Variants in AK9 observed in about 807,000 individuals in gnomAD.
The protein encoded by AK9 is adenylate kinase domain containing 1.
In AK9, 191 loss-of-function variants were observed where a neutral mutation model predicts 239.6. The observed-to-expected ratio is 0.80, with a 90% CI of 0.71 to 0.90. The LOEUF is 0.90. AK9 is among the 40% of genes least tolerant of loss of function. The pLI is 0.00. For missense variants in AK9, 1,995 were observed against 2,214.7 expected (o/e 0.90, Z 1.99); for synonymous variants, 689 against 721.0 (o/e 0.96, Z 0.71).
chr6:109,526,611 G>C (rs994429665), intron 29 of AK9, among the ~76,000 whole-genome samples: 2 of 152,102 alleles, frequency 1.3e-5, no homozygotes, highest in Non-Finnish European at 2.9e-5. Flanking sequence ...GAAGAGGAAA[G>C]CATGAAGAAA....
intron 26 of AK9, among the ~76,000 whole-genome samples, chr6:109,542,790 G>C (rs1783063476): frequency 6.6e-6 from 1 of 151,866 alleles, no homozygotes; most frequent in South Asian, 2.1e-4. Flanking sequence ...AAGTAATTGC[G>C]GTTTTTGCTT....
intron 12 of AK9, among the ~76,000 whole-genome samples, chr6:109,622,652 T>C (rs1273720340): frequency 2.0e-5 from 3 of 147,414 alleles, no homozygotes; most frequent in African/African-American, 4.9e-5. Flanking sequence ...TAATGTGTAT[T>C]ATAGACATAA....
intron 9 of AK9, 168 bp downstream of exon 9, chr6:109,644,446 G>T: frequency 2.0e-6 from 1 of 490,888 alleles, no homozygotes; most frequent in Non-Finnish European, 3.3e-6. Context: ...TTTTAAAATG[G>T]ACAGATGAAT....
chr6:109,533,363 T>C lies in AK9; in HGVS notation c.3458A>G (p.Asp1153Gly). ...AAGGAGGCGATCAAAAATATCTTGA[T>C]CATCAACTTGTATAAAAACAGCTGC... The part of the protein sequence containing the change: ...PDAAVFIQVD[D>G]QDIFDRLLPA... Residue 1153 changes from aspartate to glycine, a missense_variant, in exon 28 of 41, where the codon GAT becomes GGT. This residue lies in a region of AK9 where 1,290 missense variants were observed against 1,392.7 expected (regional missense o/e 0.93). Coordinates refer to ENST00000424296, the MANE Select transcript of AK9 (RefSeq NM_001145128.3). 2 of 1,611,552 alleles carry C rather than the reference T, an allele frequency of 1.2e-6. No homozygotes were observed. The highest frequency in any genetic ancestry group is 1.7e-6 in the Non-Finnish European group (2 of 1,178,928).
At chr6:109,676,896 A>G (rs1771839525) in intron 1 of AK9, among the ~76,000 whole-genome samples, 1 of 152,094 alleles carries the variant, frequency 6.6e-6, no homozygotes, top group African/African-American at 2.4e-5. Context: ...CATATATATC[A>G]GAATACTATG....
chr6:109,528,607 C>CTGCAGTTGCAGT, intron 29 of AK9: 1 of 459,000 alleles, frequency 2.2e-6, no homozygotes, highest in Non-Finnish European at 4.4e-6. Context: ...TGCTTTGTGC[C>CTGCAGTTGCAGT]TGCAGTTGCA....
At chr6:109,521,556 T>C (rs1490668266) in intron 29 of AK9, among the ~76,000 whole-genome samples, 1 of 152,078 alleles carries the variant, frequency 6.6e-6, no homozygotes, top group Non-Finnish European at 1.5e-5. Context: ...TGTCCTATAA[T>C]TGGAGATCAG....
chr6:109,514,336 TG>T lies in AK9; in HGVS notation c.4166del (p.Thr1389LysfsTer6). 6.4e-7 allele frequency: 1 copy of T among 1,551,418 alleles called. No homozygotes were observed. Among genetic ancestry groups the T allele is most frequent in the African/African-American group, 1.4e-5 (1 of 73,162 alleles). ...TTGGGTTCTTCATAAATTTTTCTTT[TG>T]TTTCTTTACTAGATAAAAAATAAAT... ...QYIYFLSSKE[T>X]KEKFMKNPIK... On this transcript the variant is annotated frameshift_variant, in exon 32 of 41. Transcript: ENST00000424296. LOFTEE classifies it high-confidence loss of function.
intron 1 of AK9, among the ~76,000 whole-genome samples, chr6:109,680,136 T>C (rs1772395060): frequency 6.6e-6 from 1 of 152,094 alleles, no homozygotes. Context: ...TTTCAGAAGG[T>C]GGATAATAAC....
rs1178420418 is a variant in AK9 at position 109,617,522 on chromosome 6, G to A, written c.1399+1570C>T. 5.9e-5 allele frequency among the ~76,000 whole-genome samples: 9 copies of A among 152,014 alleles called. No individual in the cohort carries two copies. The East Asian group carries it at 1.7e-3, about 29-fold the overall frequency. On this transcript the variant is annotated intron_variant, in intron 13 of 40. Coordinates refer to ENST00000424296, the MANE Select transcript of AK9 (RefSeq NM_001145128.3). ...ACATACACACACAAACTTAATATTA[G>A]GATAAAGTTGGCATTTCAAACCTCC...
chr6:109,617,994 T>C (rs1205746492), intron 13 of AK9, among the ~76,000 whole-genome samples: 4 of 152,164 alleles, frequency 2.6e-5, no homozygotes, highest in African/African-American at 7.2e-5. Flanking sequence ...TTAAATAGGA[T>C]AATACATGCA....
intron 24 of AK9, among the ~76,000 whole-genome samples, chr6:109,554,574 C>T (rs1315161691): frequency 7.3e-6 from 1 of 137,372 alleles, no homozygotes; most frequent in Non-Finnish European, 1.5e-5. Flanking sequence ...TTCTGTAGCC[C>T]AGGATGGAGT....
chr6:109,493,347 A>T lies in AK9; in HGVS notation c.*22T>A, dbSNP rs752198721. 2 of 1,597,310 alleles carry T rather than the reference A, an allele frequency of 1.3e-6. No individual in the cohort carries two copies. The highest frequency in any genetic ancestry group is 1.7e-6 in the Non-Finnish European group (2 of 1,166,400). On this transcript the variant is annotated 3_prime_UTR_variant, in exon 41 of 41. Transcript: ENST00000424296. ...CACTTTCAGATAACTCTTGAGATTC[A>T]GGCTGCTATCACCTAAGTAAACTAC...
At chr6:109,686,217 G>T (rs1773485102) in intron 1 of AK9, among the ~76,000 whole-genome samples, 1 of 152,230 alleles carries the variant, frequency 6.6e-6, no homozygotes, top group Non-Finnish European at 1.5e-5. Flanking sequence ...TGAGCAGGAA[G>T]TTGCAAGTGT....
chr6:109,580,901 G>A (rs566917659), intron 19 of AK9, among the ~76,000 whole-genome samples: 4 of 93,340 alleles, frequency 4.3e-5, no homozygotes, highest in Middle Eastern at 7.6e-3. Context: ...TACAGATATC[G>A]TGGTTTTTTT....
chr6:109,512,833 C>G (rs1343531379), intron 32 of AK9, among the ~76,000 whole-genome samples: 1 of 152,118 alleles, frequency 6.6e-6, no homozygotes, highest in Non-Finnish European at 1.5e-5. Context: ...TTATCAAATG[C>G]CTTTCCAGAA....
chr6:109,526,092 T>C (rs1780477853), intron 29 of AK9, among the ~76,000 whole-genome samples: 1 of 152,040 alleles, frequency 6.6e-6, no homozygotes, highest in Admixed American at 6.6e-5. Flanking sequence ...TGAGTGCACA[T>C]GGACACAAAG....
At chr6:109,622,876 T>A (rs1184140324) in intron 12 of AK9, among the ~76,000 whole-genome samples, 1 of 152,036 alleles carries the variant, frequency 6.6e-6, no homozygotes, top group East Asian at 1.9e-4. Context: ...TAGGTTTGCA[T>A]ATGTATTTCC....
intron 26 of AK9, among the ~76,000 whole-genome samples, chr6:109,544,677 T>C (rs1179343881): frequency 6.6e-6 from 1 of 152,222 alleles, no homozygotes; most frequent in Non-Finnish European, 1.5e-5. Flanking sequence ...GCCTGAAGAA[T>C]TGCGAGCCAG....
Sources: allele counts gnomAD v4.1 joint callset (sites outside exome capture counted in the v4.1 genomes callset), GRCh38; gene constraint gnomAD v4.1.1; regional missense constraint gnomAD v4.1.1; transcripts MANE v1.5; gene names NCBI Gene and HGNC (gene_info 2026-07-23, HGNC 2026-07-21).